GLIS1: variants seen among roughly 807,000 people sequenced by gnomAD.
The protein encoded by GLIS1 is GLIS family zinc finger 1.
In GLIS1, 24 loss-of-function variants were observed where a neutral mutation model predicts 63.8. The observed-to-expected ratio is 0.38, with a 90% CI of 0.27 to 0.53. GLIS1 has a LOEUF of 0.53. Among genes scored for constraint, GLIS1 ranks in the 20% least tolerant of loss-of-function variants. The pLI is 0.85. For synonymous variants in GLIS1, 450 were observed against 482.5 expected, an observed-to-expected ratio of 0.93 and a Z score of 0.88; for missense variants, 1,036 against 1,074.1, an observed-to-expected ratio of 0.96 and a Z score of 0.50.
intron 4 of GLIS1, among the ~76,000 whole-genome samples, chr1:53,591,394 G>A (rs1345645933): frequency 2.6e-5 from 4 of 152,256 alleles, no homozygotes; most frequent in East Asian, 3.9e-4. Flanking sequence ...CAGTGGGGCC[G>A]GCCCTAAAGC....
intron 2 of GLIS1, among the ~76,000 whole-genome samples, chr1:53,677,031 C>T (rs991632179): frequency 6.6e-6 from 1 of 152,166 alleles, no homozygotes; most frequent in Non-Finnish European, 1.5e-5. Context: ...ATACACGGAG[C>T]CCCTAGCTGA....
chr1:53,604,762 G>A (rs1277799001), intron 2 of GLIS1, among the ~76,000 whole-genome samples: 2 of 152,130 alleles, frequency 1.3e-5, no homozygotes, highest in East Asian at 3.9e-4. Context: ...CACACAGCAA[G>A]TATAAGGCTT....
chr1:53,563,934 A>C (rs1644913697), intron 4 of GLIS1, among the ~76,000 whole-genome samples: 1 of 152,236 alleles, frequency 6.6e-6, no homozygotes, highest in Admixed American at 6.5e-5. Flanking sequence ...TCAACCTAGA[A>C]GTGGGCATCT....
intron 4 of GLIS1, among the ~76,000 whole-genome samples, chr1:53,538,469 C>T (rs953348101): frequency 6.6e-6 from 1 of 152,288 alleles, no homozygotes; most frequent in East Asian, 1.9e-4. Flanking sequence ...GTGCCAGAGT[C>T]CCAGCGCTCA....
intron 7 of GLIS1, among the ~76,000 whole-genome samples, chr1:53,519,629 C>T (rs1644386204): frequency 6.6e-6 from 1 of 152,166 alleles, no homozygotes; most frequent in Non-Finnish European, 1.5e-5. Flanking sequence ...GGAATTCCTG[C>T]TGCGGCCTGA....
At chr1:53,682,884 CA>C (rs763992646) in intron 2 of GLIS1, among the ~76,000 whole-genome samples, 21 of 152,116 alleles carry the variant, frequency 1.4e-4, no homozygotes, top group Non-Finnish European at 2.6e-4. Context: ...GGTCAGAGAG[CA>C]ATCAAGGAAC....
chr1:53,667,637 G>A (rs1646107721), intron 2 of GLIS1, among the ~76,000 whole-genome samples: 1 of 152,118 alleles, frequency 6.6e-6, no homozygotes, highest in African/African-American at 2.4e-5. Flanking sequence ...ACCTAACACT[G>A]GGTAATTTAT....
At chr1:53,724,744 T>G (rs1300062812) in intron 2 of GLIS1, among the ~76,000 whole-genome samples, 1 of 152,054 alleles carries the variant, frequency 6.6e-6, no homozygotes, top group Non-Finnish European at 1.5e-5. Context: ...GGTCTTGAAC[T>G]CCTGGCTTCA....
chr1:53,656,523 T>C (rs1223933237), intron 2 of GLIS1, among the ~76,000 whole-genome samples: 1 of 152,174 alleles, frequency 6.6e-6, no homozygotes, highest in African/African-American at 2.4e-5. Flanking sequence ...AGTGGCCAAA[T>C]TCAAACCACA....
chr1:53,708,933 C>A (rs1034087775), intron 2 of GLIS1, among the ~76,000 whole-genome samples: 1 of 152,094 alleles, frequency 6.6e-6, no homozygotes, highest in African/African-American at 2.4e-5. Context: ...AATCATTATT[C>A]ATTCATTTAC....
intron 4 of GLIS1, among the ~76,000 whole-genome samples, chr1:53,532,625 G>A (rs1432922353): frequency 2.0e-5 from 3 of 152,246 alleles, no homozygotes; most frequent in South Asian, 2.1e-4. Flanking sequence ...TCACCCCAAC[G>A]TGAGATGGGG....
intron 2 of GLIS1, among the ~76,000 whole-genome samples, chr1:53,652,638 G>A (rs955976399): frequency 1.3e-5 from 2 of 152,192 alleles, no homozygotes; most frequent in Non-Finnish European, 2.9e-5. Context: ...CCACAACTCA[G>A]TGAAGGTTAG....
At chr1:53,698,594 C>T (rs1487356126) in intron 2 of GLIS1, among the ~76,000 whole-genome samples, 1 of 152,228 alleles carries the variant, frequency 6.6e-6, no homozygotes, top group Admixed American at 6.5e-5. Flanking sequence ...CACAGAACAC[C>T]AGCCCTTGGC....
intron 2 of GLIS1, among the ~76,000 whole-genome samples, chr1:53,711,113 A>G (rs1646642219): frequency 6.6e-6 from 1 of 152,154 alleles, no homozygotes; most frequent in Non-Finnish European, 1.5e-5. Context: ...CAGTACCTCT[A>G]TAGTCACAGC....
intron 2 of GLIS1, among the ~76,000 whole-genome samples, chr1:53,729,666 C>A (rs2100570254): frequency 6.6e-6 from 1 of 152,312 alleles, no homozygotes; most frequent in South Asian, 2.1e-4. Context: ...CTGAAGCACA[C>A]TACTCATCCC....
chr1:53,707,749 C>A (rs1188998573), intron 2 of GLIS1, among the ~76,000 whole-genome samples: 1 of 151,888 alleles, frequency 6.6e-6, no homozygotes, highest in African/African-American at 2.4e-5. Context: ...GATAGGGTCT[C>A]AGTATGTTGC....
chr1:53,577,537 G>C (rs1011003849), intron 4 of GLIS1, among the ~76,000 whole-genome samples: 2 of 152,178 alleles, frequency 1.3e-5, no homozygotes, highest in African/African-American at 4.8e-5. Flanking sequence ...GTTGTAAATA[G>C]GGAACACCTA....
intron 2 of GLIS1, among the ~76,000 whole-genome samples, chr1:53,661,297 G>T (rs1019008200): frequency 2.6e-5 from 4 of 152,160 alleles, no homozygotes; most frequent in African/African-American, 9.7e-5. Context: ...GGGCAGTGGG[G>T]ATGAGGTACA....
intron 2 of GLIS1, among the ~76,000 whole-genome samples, chr1:53,637,300 G>T (rs987480683): frequency 6.6e-6 from 1 of 152,178 alleles, no homozygotes. Context: ...CTAAACTGAG[G>T]AATAAATGAC....
Sources: allele counts gnomAD v4.1 joint callset (sites outside exome capture counted in the v4.1 genomes callset), GRCh38; gene constraint gnomAD v4.1.1; transcripts MANE v1.5; gene names NCBI Gene and HGNC (gene_info 2026-07-23, HGNC 2026-07-21).